KCNMA1: variants seen among roughly 807,000 people sequenced by gnomAD.
KCNMA1 encodes the protein Calcium-activated potassium channel subunit alpha-1.
Under a neutral mutation model 140.0 loss-of-function variants are expected in KCNMA1, and 29 were observed. That is an observed-to-expected ratio of 0.21 (90% confidence interval 0.15 to 0.28). The LOEUF (loss-of-function observed/expected upper bound fraction) is 0.28, where lower values mean the gene tolerates loss of function less well. Ranked by LOEUF, KCNMA1 falls within the 10% of genes least tolerant of loss-of-function variation. The pLI is 1.00. For synonymous variants in KCNMA1, 612 were observed against 611.9 expected (o/e 1.00, Z 0.00); for missense variants, 880 against 1,602.2 (o/e 0.55, Z 7.70).
At chr10:76,875,166 C>T (rs898263106), downstream of KCNMA1, 1 of 152,178 alleles carries the variant, frequency 6.6e-6, no homozygotes, top group Non-Finnish European at 1.5e-5. Context: ...GTTTCCATTT[C>T]GTTTCTACTT....
At chr10:77,030,672 C>T (rs1040972772) in intron 15 of KCNMA1, among the ~76,000 whole-genome samples, 4 of 152,156 alleles carry the variant, frequency 2.6e-5, no homozygotes, top group Admixed American at 1.3e-4. Context: ...TACTACAGTA[C>T]CATCTACCAA....
chr10:77,268,854 C>A (rs1341147296), intron 2 of KCNMA1, among the ~76,000 whole-genome samples: 1 of 152,102 alleles, frequency 6.6e-6, no homozygotes, highest in Admixed American at 6.6e-5. Flanking sequence ...TACCTTAGTG[C>A]GCACAGTGAT....
intron 14 of KCNMA1, among the ~76,000 whole-genome samples, chr10:77,055,005 A>G (rs1333914338): frequency 2.0e-5 from 3 of 152,144 alleles, no homozygotes; most frequent in East Asian, 1.9e-4. Context: ...TGATTATTGA[A>G]TATGCTAAAA....
chr10:77,025,331 TATATACATATATA>T, intron 16 of KCNMA1: 1 of 629,500 alleles, frequency 1.6e-6, no homozygotes, highest in South Asian at 2.1e-5. Flanking sequence ...AATGAGATTA[TATATACATATATA>T]TAATCTCTCT....
intron 20 of KCNMA1, among the ~76,000 whole-genome samples, 197 bp from the exon 21 acceptor site, chr10:76,954,121 G>A (rs1411822098): frequency 6.6e-6 from 1 of 152,110 alleles, no homozygotes; most frequent in Admixed American, 6.5e-5. Context: ...GGAAGTGCAG[G>A]TGACCTTTGT....
chr10:76,890,641 T>G (rs779018561), intron 26 of KCNMA1, among the ~76,000 whole-genome samples: 1 of 152,172 alleles, frequency 6.6e-6, no homozygotes, highest in Non-Finnish European at 1.5e-5. Flanking sequence ...TTCCACTATT[T>G]AGTCTTTCTG....
chr10:77,057,135 A>T (rs538178050), intron 14 of KCNMA1, among the ~76,000 whole-genome samples: 2 of 152,298 alleles, frequency 1.3e-5, no homozygotes, highest in African/African-American at 4.8e-5. Context: ...ATTGTAAGCA[A>T]ACAACAGAAA....
At chr10:77,154,439 C>T (rs576111127) in intron 5 of KCNMA1, among the ~76,000 whole-genome samples, 3 of 152,270 alleles carry the variant, frequency 2.0e-5, no homozygotes, top group Non-Finnish European at 2.9e-5. Context: ...CAAATTTCTT[C>T]CTCTAACCAC....
chr10:77,548,812 A>G (rs1438827590), intron 1 of KCNMA1, among the ~76,000 whole-genome samples: 1 of 152,228 alleles, frequency 6.6e-6, no homozygotes, highest in Non-Finnish European at 1.5e-5. Flanking sequence ...TCAGTCATGC[A>G]ACAAGTAATT....
intron 5 of KCNMA1, among the ~76,000 whole-genome samples, chr10:77,123,452 A>G (rs1417442296): frequency 6.6e-6 from 1 of 152,208 alleles, no homozygotes; most frequent in Non-Finnish European, 1.5e-5. Flanking sequence ...AATTTATAAC[A>G]GACTCTACTG....
chr10:76,908,610 C>G (rs751102000), intron 25 of KCNMA1, among the ~76,000 whole-genome samples: 6 of 152,130 alleles, frequency 3.9e-5, no homozygotes, highest in Non-Finnish European at 8.8e-5. Context: ...TAGATGAGAC[C>G]AGTACATAAT....
chr10:77,261,545 A>C (rs1468017974), intron 2 of KCNMA1, among the ~76,000 whole-genome samples: 2 of 152,200 alleles, frequency 1.3e-5, no homozygotes, highest in African/African-American at 4.8e-5. Context: ...AAAAATACAG[A>C]AAAGTTCAAT....
chr10:77,564,008 C>T (rs2067279018), intron 1 of KCNMA1, among the ~76,000 whole-genome samples: 1 of 152,182 alleles, frequency 6.6e-6, no homozygotes, highest in South Asian at 2.1e-4. Flanking sequence ...AATCAGAGCT[C>T]AATATAAATG....
At chr10:77,318,751 G>A (rs946386852) in intron 2 of KCNMA1, among the ~76,000 whole-genome samples, 16 of 152,152 alleles carry the variant, frequency 1.1e-4, no homozygotes, top group Non-Finnish European at 2.2e-4. Flanking sequence ...TATTCACCAA[G>A]GGCCAAATGT....
intron 1 of KCNMA1, among the ~76,000 whole-genome samples, chr10:77,523,687 T>A (rs2154551370): frequency 1.3e-5 from 2 of 152,352 alleles, no homozygotes; most frequent in African/African-American, 4.8e-5. Context: ...ATATACTTTG[T>A]GGTGTGTTCA....
At chr10:77,034,184 C>T (rs2094154942) in intron 15 of KCNMA1, among the ~76,000 whole-genome samples, 1 of 150,992 alleles carries the variant, frequency 6.6e-6, no homozygotes, top group African/African-American at 2.4e-5. Context: ...GACAAGGTTG[C>T]CGTGAGCTAA....
intron 20 of KCNMA1, among the ~76,000 whole-genome samples, chr10:76,961,052 T>C (rs1344255605): frequency 6.6e-6 from 1 of 151,870 alleles, no homozygotes; most frequent in Non-Finnish European, 1.5e-5. Context: ...CAAGACTTAT[T>C]ACTTAAGAAA....
At chr10:77,292,248 C>G (rs1214744496) in intron 2 of KCNMA1, among the ~76,000 whole-genome samples, 3 of 152,204 alleles carry the variant, frequency 2.0e-5, no homozygotes, top group Non-Finnish European at 4.4e-5. Context: ...CAAAGCCCTT[C>G]CCTCTTAGGG....
At chr10:77,118,648 C>A (rs372657364) in intron 6 of KCNMA1, among the ~76,000 whole-genome samples, 1 of 152,124 alleles carries the variant, frequency 6.6e-6, no homozygotes, top group Admixed American at 6.5e-5. Context: ...GAGGATGACA[C>A]TTTTTTCTAC....
Sources: gnomAD v4.1 joint callset for allele counts (sites outside exome capture counted in the v4.1 genomes callset) on GRCh38, gnomAD v4.1.1 for gene constraint, MANE v1.5 for transcripts, NCBI Gene and HGNC (gene_info 2026-07-23, HGNC 2026-07-21) for gene names.